Variants in METTL2A observed in about 807,000 individuals in gnomAD.
METTL2A encodes the protein tRNA N(3)-cytidine methyltransferase METTL2A.
In METTL2A, 45 loss-of-function variants were observed where a neutral mutation model predicts 49.4. That is an observed-to-expected ratio of 0.91 (90% CI 0.72 to 1.17). METTL2A has a LOEUF of 1.17. Among genes scored for constraint, METTL2A ranks in the 50% most tolerant of loss-of-function variants. METTL2A has a pLI of 0.00. For missense variants in METTL2A, 361 were observed against 462.2 expected, an observed-to-expected ratio of 0.78 and a Z score of 2.01; for synonymous variants, 118 against 167.5, an observed-to-expected ratio of 0.70 and a Z score of 2.28.
chr17:62,444,769 T>C (rs1025234619), intron 6 of METTL2A, 68 bp from the exon 7 acceptor site: 14 of 1,519,496 alleles, frequency 9.2e-6, no homozygotes, highest in Non-Finnish European at 1.2e-5. Context: ...TTTTGGGATA[T>C]GCTACAGGGA....
rs772762045 is a variant in METTL2A, at chr17:62,451,890, CAAA to C, written c.*3179_*3181del. On this transcript the variant is annotated 3_prime_UTR_variant, in exon 9 of 9. Coordinates refer to ENST00000311506, the MANE Select transcript of METTL2A (RefSeq NM_181725.4). ...GGGCAACAAGAGTGAAACTCCGTCT[CAAA>C]AAAAAAAAAAAAAAAAATTAGCTGG... 4.3e-3 allele frequency among the ~76,000 whole-genome samples: 260 copies of C among 60,016 alleles called. 1 individual carries two copies. The highest frequency in any genetic ancestry group is 0.014 in the African/African-American group (250 of 17,604). 39.4% of individuals were successfully genotyped at this position (60,016 alleles called of 152,430 possible).
intron 6 of METTL2A, among the ~76,000 whole-genome samples, chr17:62,441,401 G>A (rs1225293513): frequency 1.3e-5 from 2 of 152,010 alleles, no homozygotes; most frequent in African/African-American, 4.8e-5. Flanking sequence ...GTGAACTGTG[G>A]GTGTCACAGC....
Position 62,430,747 on chromosome 17 carries a change from C to T in METTL2A, c.608+2910C>T, listed in dbSNP as rs74966338. ...AGGCTGGAGTGCAGTGATTCGATCT[C>T]GGCTAGCCTCAACCTCCGCCTCCCA... On this transcript the variant is annotated intron_variant, in intron 4 of 8. Transcript: ENST00000311506. 0.041 allele frequency among the ~76,000 whole-genome samples: 6,176 copies of T among 152,076 alleles called. 786 individuals carry two copies. The East Asian group carries it at 0.45, about 11-fold the overall frequency.
chr17:62,441,334 T>C (rs1027590284), intron 6 of METTL2A, among the ~76,000 whole-genome samples: 10 of 152,244 alleles, frequency 6.6e-5, no homozygotes, highest in Non-Finnish European at 1.3e-4. Flanking sequence ...AATCAGTCTC[T>C]AATGAGTATG....
chr17:62,447,813 G>A, intron 8 of METTL2A, 47 bp downstream of exon 8: 2 of 1,606,100 alleles, frequency 1.2e-6, no homozygotes, highest in Non-Finnish European at 1.7e-6. Flanking sequence ...AGTACCAGAT[G>A]AGATGGTCTT....
In METTL2A at chr17:62,444,872, T is replaced by C. The variant is rs761120535; in HGVS notation, c.845T>C (p.Leu282Pro). ...QKAINRLSRL[L>P]KPGGMMLLRD... ...GCTATCAACAGGCTGAGCAGGCTTC[T>C]GAAACCTGGCGGGATGATGCTTCTG... Residue 282 changes from leucine (L) to proline (P), a missense_variant, in exon 7 of 9, where the codon CTG becomes CCG. Around this residue, in one of 3 missense-constraint regions of METTL2A, gnomAD observed 183 missense variants for 216.5 expected, o/e 0.85. Coordinates refer to ENST00000311506, the MANE Select transcript of METTL2A (RefSeq NM_181725.4). The C allele has an allele frequency of 3.7e-6, 6 of 1,613,994 alleles. No homozygotes were observed. Among genetic ancestry groups the C allele is most frequent in the Non-Finnish European group, 8.5e-7 (1 of 1,179,938 alleles).
In METTL2A at chr17:62,450,604, C is replaced by T. The variant is rs1567739077; in HGVS notation, c.*1875C>T. 1.3e-5 allele frequency: 2 copies of T among 152,052 alleles called. No individual in the cohort carries two copies. Among genetic ancestry groups the T allele is most frequent in the African/African-American group, 4.8e-5 (2 of 41,384 alleles). 9.4% of individuals were successfully genotyped at this position (152,052 alleles called of 1,614,324 possible). On this transcript the variant is annotated 3_prime_UTR_variant, in exon 9 of 9. Coordinates refer to ENST00000311506, the MANE Select transcript of METTL2A (RefSeq NM_181725.4). Reference sequence around the variant, plus strand: ...CTTTGGGAGGCCGAGGTGGGCAGATCACTTGAGGTCAGGAGTTCCAGTCCA... The same window carrying T: ...CTTTGGGAGGCCGAGGTGGGCAGATTACTTGAGGTCAGGAGTTCCAGTCCA...
chr17:62,440,348 G>A (rs1376147984), intron 5 of METTL2A, among the ~76,000 whole-genome samples: 4 of 151,990 alleles, frequency 2.6e-5, no homozygotes, highest in African/African-American at 4.8e-5. Flanking sequence ...AGCAAAAACC[G>A]CAATTACTTT....
Position 62,423,989 on chromosome 17 carries a change from G to T in METTL2A, c.87G>T (p.Ala29=), listed in dbSNP as rs952283037. The T allele has an allele frequency of 5.0e-6, 8 of 1,613,866 alleles. No homozygotes were observed. The highest frequency in any genetic ancestry group is 6.8e-6 in the Non-Finnish European group (8 of 1,180,008). ...GAAGCCGGTTCCTGAGAGATCCGGC[G>T]CGCGTCTTCCACCACAATGCCTGGT... ...QFGSRFLRDP[A]RVFHHNAWDN... is the part of the protein sequence containing the mutation. The change falls in exon 1 of 9, where the codon GCG becomes GCT. Residue 29 remains alanine (A), a synonymous_variant. Coordinates refer to ENST00000311506, the MANE Select transcript of METTL2A (RefSeq NM_181725.4).
Position 62,448,804 on chromosome 17 carries a change from G to T in METTL2A, c.*75G>T, listed in dbSNP as rs1484300547. The T allele has an allele frequency of 1.3e-6, 2 of 1,588,746 alleles. No individual in the cohort carries two copies. The highest frequency in any genetic ancestry group is 1.3e-5 in the African/African-American group (1 of 74,358). ...TTTAAAAAAAAAATTGTAGCACTGG[G>T]CGTGGTGCATGCCTGTAATCCCAGC... On this transcript the variant is annotated 3_prime_UTR_variant, in exon 9 of 9. Transcript: ENST00000311506.
At chr17:62,431,814 A>G (rs2070667558) in intron 4 of METTL2A, among the ~76,000 whole-genome samples, 1 of 151,632 alleles carries the variant, frequency 6.6e-6, no homozygotes. Context: ...TCTGCCTCCC[A>G]GTTTCAAGCG....
chr17:62,448,954 G>A lies in METTL2A; in HGVS notation c.*225G>A. On this transcript the variant is annotated 3_prime_UTR_variant, in exon 9 of 9. Coordinates refer to ENST00000311506, the MANE Select transcript of METTL2A (RefSeq NM_181725.4). ...AAAATATAAATGAGGTCTCGTTGAT[G>A]TTGGACAATTCAAGAATTCAGACTT... The A allele has an allele frequency of 1.9e-6, 1 of 515,498 alleles. No homozygotes were observed. Among genetic ancestry groups the A allele is most frequent in the South Asian group, 5.2e-5 (1 of 19,342 alleles). The allele number at this position is 515,498 out of a possible 1,614,324, so 31.9% of individuals were successfully genotyped here. A position where few individuals can be genotyped will look rare whatever the true frequency, so the allele number is the denominator to read the frequency against.
chr17:62,443,273 T>C (rs2070748520), intron 6 of METTL2A, among the ~76,000 whole-genome samples: 1 of 152,114 alleles, frequency 6.6e-6, no homozygotes, highest in African/African-American at 2.4e-5. Context: ...CTCAGAAGGC[T>C]GAGGCAGGAG....
chr17:62,441,974 C>CTGACCTCA (rs1465210940), intron 6 of METTL2A, among the ~76,000 whole-genome samples: 2 of 151,786 alleles, frequency 1.3e-5, no homozygotes, highest in Admixed American at 6.6e-5. Context: ...TCTCAAACTC[C>CTGACCTCA]TGACCTCATG....
At chr17:62,431,765 G>T (rs933506121) in intron 4 of METTL2A, among the ~76,000 whole-genome samples, 1 of 151,942 alleles carries the variant, frequency 6.6e-6, no homozygotes, top group East Asian at 1.9e-4. Flanking sequence ...CTGTTGCCCA[G>T]GCTGGAATGC....
chr17:62,430,001 T>C (rs1192612151), intron 4 of METTL2A, among the ~76,000 whole-genome samples: 1 of 152,204 alleles, frequency 6.6e-6, no homozygotes, highest in Non-Finnish European at 1.5e-5. Flanking sequence ...CTTGTGGAAA[T>C]GACATTCCAG....
chr17:62,424,189 G>A (rs375625882), intron 1 of METTL2A, 30 bp from the exon 2 acceptor site: 53 of 1,614,024 alleles, frequency 3.3e-5, no homozygotes, highest in Non-Finnish European at 4.2e-5. Context: ...AGGACGTGAG[G>A]CCCCTAAGCT....
intron 5 of METTL2A, among the ~76,000 whole-genome samples, chr17:62,438,922 C>G (rs1274852202): frequency 6.6e-6 from 1 of 151,516 alleles, no homozygotes; most frequent in Non-Finnish European, 1.5e-5. Context: ...AAGTGATTCT[C>G]CCACCTCCTG....
intron 4 of METTL2A, 25 bp from the exon 5 acceptor site, chr17:62,435,207 G>A: frequency 6.2e-7 from 1 of 1,613,920 alleles, no homozygotes. Flanking sequence ...TAGTCTCATT[G>A]TTCTGTCTTT....
Sources: gnomAD v4.1 joint callset for allele counts (sites outside exome capture counted in the v4.1 genomes callset) on GRCh38, gnomAD v4.1.1 for gene constraint, gnomAD v4.1.1 regional missense constraint, MANE v1.5 for transcripts, NCBI Gene and HGNC (gene_info 2026-07-23, HGNC 2026-07-21) for gene names.